Variants in PRELID3B observed in about 807,000 individuals in gnomAD.
PRELID3B encodes PRELI domain containing protein 3B.
In PRELID3B, 15 loss-of-function variants were observed where a neutral mutation model predicts 24.0. That is an observed-to-expected ratio of 0.63 (90% CI 0.42 to 0.96). The LOEUF (loss-of-function observed/expected upper bound fraction) is 0.96. Among genes scored for constraint, PRELID3B ranks in the 40% least tolerant of loss-of-function variants. The pLI is 0.00. For synonymous variants in PRELID3B, 62 were observed against 76.0 expected (o/e 0.82, Z 0.96); for missense variants, 189 against 236.0 (o/e 0.80, Z 1.30).
At chr20:59,037,125 A>G in intron 3 of PRELID3B, 66 bp downstream of exon 3, 4 of 1,190,868 alleles carry the variant, frequency 3.4e-6, no homozygotes, top group African/African-American at 1.5e-5. Flanking sequence ...TTCTACGGCA[A>G]CTAGGAGAGG....
chr20:59,038,999 A>G (rs1007448275), intron 1 of PRELID3B, among the ~76,000 whole-genome samples: 3 of 152,252 alleles, frequency 2.0e-5, no homozygotes, highest in Non-Finnish European at 4.4e-5. Context: ...CAAATAGCCA[A>G]AAGTATCATT....
chr20:59,035,695 C>G (rs1402581465), intron 5 of PRELID3B, among the ~76,000 whole-genome samples: 1 of 152,230 alleles, frequency 6.6e-6, no homozygotes, highest in Non-Finnish European at 1.5e-5. Context: ...TCAATAAGCA[C>G]TCTCATACCT....
chr20:59,035,879 C>G (rs578064713), intron 5 of PRELID3B, among the ~76,000 whole-genome samples: 3 of 152,146 alleles, frequency 2.0e-5, no homozygotes, highest in Admixed American at 1.3e-4. Context: ...ACCACATTCA[C>G]CATGTGTTAT....
rs1316442195 is a variant in PRELID3B at position 59,033,606 on chromosome 20, G to A, written c.*1401C>T. On this transcript the variant is annotated 3_prime_UTR_variant, in exon 6 of 6. Transcript: ENST00000355937. The stretch of plus-strand genomic sequence containing the variant: ...CTAAACAAAATTTAAGTAGGAAAAC[G>A]ATAATTTAAAAATAGTGTGTTATAC... The A allele has an allele frequency of 2.6e-5, 4 of 152,088 alleles. No individual in the cohort carries two copies. The highest frequency in any genetic ancestry group is 6.6e-5 in the Admixed American group (1 of 15,262). 9.4% of individuals were successfully genotyped at this position (152,088 alleles called of 1,614,324 possible).
intron 1 of PRELID3B, 34 bp downstream of exon 1, chr20:59,042,665 C>T: frequency 1.9e-6 from 3 of 1,574,938 alleles, no homozygotes; most frequent in Non-Finnish European, 2.6e-6. Flanking sequence ...GGCGTGCCTG[C>T]CCTCCACGGA....
intron 1 of PRELID3B, 83 bp downstream of exon 1, chr20:59,042,616 T>G: frequency 6.8e-7 from 1 of 1,461,544 alleles, no homozygotes; most frequent in Non-Finnish European, 9.3e-7. Flanking sequence ...CCTAGAAGCC[T>G]CCTGCGGGCC....
At chr20:59,037,100 T>C in intron 3 of PRELID3B, 91 bp downstream of exon 3, 1 of 940,302 alleles carries the variant, frequency 1.1e-6, no homozygotes, top group Admixed American at 2.1e-5. Context: ...AACCACATCA[T>C]GAACACGCAC....
chr20:59,033,958 T>G lies in PRELID3B; in HGVS notation c.*1049A>C, dbSNP rs578189295. 15 of 152,306 alleles carry G rather than the reference T, an allele frequency of 9.8e-5. No individual in the cohort carries two copies. In the East Asian group the frequency reaches 1.2e-3, roughly 12 times the overall value. 9.4% of individuals were successfully genotyped at this position (152,306 alleles called of 1,614,324 possible). ...CAGGCCAAGCCTCCCCCTACCATTA[T>G]GCTTGTTCTTCCCCACCGCCCCCAA... On this transcript the variant is annotated 3_prime_UTR_variant, in exon 6 of 6. Coordinates refer to ENST00000355937, the MANE Select transcript of PRELID3B (RefSeq NM_016045.3).
At chr20:59,042,550 T>A in intron 1 of PRELID3B, 149 bp downstream of exon 1, 7 of 521,732 alleles carry the variant, frequency 1.3e-5, no homozygotes, top group Non-Finnish European at 1.9e-5. Flanking sequence ...TGGTCTGCCC[T>A]CCGTGTCGCC....
rs745389961 is a variant in PRELID3B, at chr20:59,037,260, C to G, written c.222G>C (p.Thr74=). ...IVKSLIGAAR[T]KTYVQEHSVV... ...CAGAATGTTCTTGCACATATGTTTT[C>G]GTTCTTGCTGCACCAATAAGCTAAG... The change falls in exon 3 of 6, where the codon ACG becomes ACC. Residue 74 remains threonine (T), a synonymous_variant. Coordinates refer to ENST00000355937, the MANE Select transcript of PRELID3B (RefSeq NM_016045.3). The G allele has an allele frequency of 6.2e-7, 1 of 1,613,638 alleles. No individual in the cohort carries two copies. Among genetic ancestry groups the G allele is most frequent in the African/African-American group, 1.3e-5 (1 of 74,912 alleles).
chr20:59,036,357 T>G (rs1363340274), intron 5 of PRELID3B, 114 bp downstream of exon 5: 1 of 768,532 alleles, frequency 1.3e-6, no homozygotes, highest in East Asian at 2.5e-5. Context: ...TGCTGCAGTT[T>G]CCTATGGTAG....
intron 3 of PRELID3B, 99 bp downstream of exon 3, chr20:59,037,092 C>T (rs776163189): frequency 1.1e-6 from 1 of 883,746 alleles, no homozygotes; most frequent in African/African-American, 1.7e-5. Flanking sequence ...ATTCTCTGAA[C>T]CACATCATGA....
rs2092061158 is a variant in PRELID3B at position 59,035,023 on chromosome 20, G to C, written c.569C>G (p.Ala190Gly). The C allele has an allele frequency of 6.2e-7, 1 of 1,612,746 alleles. No individual in the cohort carries two copies. Among genetic ancestry groups the C allele is most frequent in the Non-Finnish European group, 8.5e-7 (1 of 1,179,368 alleles). Reference protein sequence around the residue: ...GTIRTPMAAAAFAEK With the variant: ...GTIRTPMAAAGFAEK Reference sequence around the variant, plus strand: ...CTGTCACGATCACTTCTCTGCAAACGCTGCTGCTGCCATTGGAGTCCTTAT... The same window carrying C: ...CTGTCACGATCACTTCTCTGCAAACCCTGCTGCTGCCATTGGAGTCCTTAT... Residue 190 changes from alanine to glycine, a missense_variant, in exon 6 of 6, where the codon GCG (alanine) becomes GGG (glycine). Physicochemically the swap from Ala to Gly is moderately conservative, Grantham distance 60. Coordinates refer to ENST00000355937, the MANE Select transcript of PRELID3B (RefSeq NM_016045.3).
At chr20:59,036,631 T>A in intron 4 of PRELID3B, 58 bp from the exon 5 acceptor site, 1 of 1,587,832 alleles carries the variant, frequency 6.3e-7, no homozygotes, top group East Asian at 2.2e-5. Flanking sequence ...TTCAAAAAAC[T>A]TGATAAAAAA....
rs2146389592 is a variant in PRELID3B, at chr20:59,034,995, CAACT to C, written c.*8_*11del. The C allele has an allele frequency of 2.5e-6, 4 of 1,607,220 alleles. No individual in the cohort carries two copies. The highest frequency in any genetic ancestry group is 1.7e-5 in the Admixed American group (1 of 58,830). ...ACCTGGAGTACCCGATGTTGTCTACCAACTGTCACGATCACTTCTCTGCAAACGC... is the reference window on the plus strand; with the variant it reads ...ACCTGGAGTACCCGATGTTGTCTACCGTCACGATCACTTCTCTGCAAACGC... On this transcript the variant is annotated 3_prime_UTR_variant, in exon 6 of 6. Transcript: ENST00000355937.
rs1287639546 is a variant in PRELID3B, at chr20:59,033,302, T to A, written c.*1705A>T. ...ATTTATGTTTAAAAAGGTAACTAAC[T>A]GCACTGGAAAATGAAAATTTATAGT... is the stretch of plus-strand genomic sequence containing the variant. On this transcript the variant is annotated 3_prime_UTR_variant, in exon 6 of 6. Transcript: ENST00000355937. 6.6e-6 allele frequency: 1 copy of A among 152,214 alleles called. No homozygotes were observed. The highest frequency in any genetic ancestry group is 1.5e-5 in the Non-Finnish European group (1 of 68,036). 9.4% of individuals were successfully genotyped at this position (152,214 alleles called of 1,614,324 possible).
intron 2 of PRELID3B, chr20:59,038,112 C>A: frequency 5.4e-6 from 1 of 186,642 alleles, no homozygotes. Flanking sequence ...ATGTACACAA[C>A]CCACCACTGA....
Position 59,033,855 on chromosome 20 carries a change from C to CA in PRELID3B, c.*1151dup, listed in dbSNP as rs1294122586. ...ATTTACTGGATTGTTTTTCAGTTTG[C>CA]AGCTGCCCTCTTGACATCCCAAATA... is the stretch of plus-strand genomic sequence containing the variant. On this transcript the variant is annotated 3_prime_UTR_variant, in exon 6 of 6. Coordinates refer to ENST00000355937, the MANE Select transcript of PRELID3B (RefSeq NM_016045.3). 1 of 152,166 alleles carries CA rather than the reference C, an allele frequency of 6.6e-6. No homozygotes were observed. Among genetic ancestry groups the CA allele is most frequent in the African/African-American group, 2.4e-5 (1 of 41,430 alleles). 9.4% of individuals were successfully genotyped at this position (152,166 alleles called of 1,614,324 possible).
intron 1 of PRELID3B, among the ~76,000 whole-genome samples, chr20:59,042,107 G>A (rs2092114314): frequency 6.6e-6 from 1 of 152,228 alleles, no homozygotes; most frequent in Non-Finnish European, 1.5e-5. Context: ...GTAACCCAGG[G>A]TCACACGCTT....
Sources: allele counts gnomAD v4.1 joint callset (sites outside exome capture counted in the v4.1 genomes callset), GRCh38; gene constraint gnomAD v4.1.1; transcripts MANE v1.5; gene names NCBI Gene and HGNC (gene_info 2026-07-23, HGNC 2026-07-21).